The following ATAD3B variants were observed in gnomAD, a reference collection of about 807,000 sequenced individuals.
ATAD3B encodes ATPase family AAA domain-containing protein 3B.
In ATAD3B, 59 loss-of-function variants were observed where a neutral mutation model predicts 70.2. That is an observed-to-expected ratio of 0.84 (90% CI 0.68 to 1.04). The LOEUF is 1.04. Among genes scored for constraint, ATAD3B ranks in the 50% least tolerant of loss-of-function variants. The pLI is 0.00. For missense variants in ATAD3B, 961 were observed against 913.4 expected (o/e 1.05, Z -0.67); for synonymous variants, 423 against 388.6 (o/e 1.09, Z -1.04).
At chr1:1,500,931 T>C (rs955677103), downstream of ATAD3B, among the ~76,000 whole-genome samples, 7 of 152,036 alleles carry the variant, frequency 4.6e-5, no homozygotes, top group Non-Finnish European at 1.0e-4. Context: ...CACTGCAGCC[T>C]GGGCGACAGA....
intron 2 of ATAD3B, among the ~76,000 whole-genome samples, chr1:1,477,700 T>G (rs563416334): frequency 6.6e-6 from 1 of 151,414 alleles, no homozygotes; most frequent in South Asian, 2.1e-4. Context: ...TTATTTTATT[T>G]TATTTTATTT....
At chr1:1,478,417 C>T in intron 2 of ATAD3B, 6 of 1,508,454 alleles carry the variant, frequency 4.0e-6, no homozygotes, top group South Asian at 1.3e-5. Flanking sequence ...TGACCTCCCT[C>T]CCCGGGGGCC....
Position 1,478,687 on chromosome 1 carries a change from G to A in ATAD3B, c.326G>A (p.Arg109Gln), listed in dbSNP as rs1311163237. The change falls in exon 3 of 16, where the codon CGG becomes CAG. Residue 109 changes from arginine to glutamine, a missense_variant. Around this residue, in one of 4 missense-constraint regions of ATAD3B, gnomAD observed 187 missense variants for 244.3 expected, o/e 0.77. Coordinates refer to ENST00000673477, the MANE Select transcript of ATAD3B (RefSeq NM_031921.6). ...AVEQLKSEQI[R>Q]AQAEERRKTL... is the part of the protein sequence containing the mutation. The stretch of plus-strand genomic sequence containing the variant: ...GAGCAGCTCAAGAGCGAGCAGATCC[G>A]GGCGCAGGCTGAGGAGAGGAGGAAG... 1.9e-6 allele frequency: 3 copies of A among 1,542,172 alleles called. No individual in the cohort carries two copies. Among genetic ancestry groups the A allele is most frequent in the African/African-American group, 1.4e-5 (1 of 71,326 alleles).
rs201737506 is a variant in ATAD3B at position 1,477,266 on chromosome 1, G to A, written c.206-8G>A. The A allele has an allele frequency of 2.0e-5, 33 of 1,612,196 alleles. No homozygotes were observed. The highest frequency in any genetic ancestry group is 1.2e-4 in the Admixed American group (7 of 59,956). ...TACACCTGCTCTCCGTGCCACATGC[G>A]CCCGCAGGTTACGCCAAGGAGGCCC... On this transcript the variant is annotated splice_region_variant and splice_polypyrimidine_tract_variant and intron_variant, in intron 1 of 15. Coordinates refer to ENST00000673477, the MANE Select transcript of ATAD3B (RefSeq NM_031921.6).
chr1:1,489,620 C>T, intron 13 of ATAD3B: 1 of 1,313,740 alleles, frequency 7.6e-7, no homozygotes, highest in Non-Finnish European at 1.0e-6. Context: ...GTGACCGGCC[C>T]TATGTCCAGG....
At chr1:1,498,050 C>T (rs1364332551), downstream of ATAD3B, among the ~76,000 whole-genome samples, 1 of 151,760 alleles carries the variant, frequency 6.6e-6, no homozygotes, top group African/African-American at 2.4e-5. Context: ...CTCCTGTAAT[C>T]CCAGCACTTT....
chr1:1,487,866 C>T lies in ATAD3B; in HGVS notation c.1218C>T (p.Leu406=), dbSNP rs1640314611. ...TTGGCCTCTCTCTCGTTCACAGCCT[C>T]CTGCTCTTCATGGATGAAGCAGACG... ...FDWANTSRRG[L]LLFMDEADAF... Residue 406 remains leucine, a synonymous_variant, in exon 12 of 16, where the codon CTC becomes CTT. Coordinates refer to ENST00000673477, the MANE Select transcript of ATAD3B (RefSeq NM_031921.6). 2.5e-6 allele frequency: 4 copies of T among 1,613,142 alleles called. No homozygotes were observed. The highest frequency in any genetic ancestry group is 1.1e-5 in the South Asian group (1 of 91,012).
chr1:1,492,331 C>T (rs148059030), intron 15 of ATAD3B, among the ~76,000 whole-genome samples: 3,910 of 150,954 alleles, frequency 0.026, 196 homozygotes, highest in African/African-American at 0.09. Flanking sequence ...ACAAAAAATA[C>T]GAAAATTAGC....
At chr1:1,495,328 G>A (rs370118521) in intron 15 of ATAD3B, among the ~76,000 whole-genome samples, 157 bp from the exon 16 acceptor site, 2,067 of 152,018 alleles carry the variant, frequency 0.014, 41 homozygotes, top group South Asian at 0.026. Context: ...GTGTCCACAC[G>A]CGTGCTGGGC....
At chr1:1,488,588 G>C (rs1403025275) in intron 12 of ATAD3B, among the ~76,000 whole-genome samples, 3 of 151,982 alleles carry the variant, frequency 2.0e-5, no homozygotes, top group Non-Finnish European at 2.9e-5. Flanking sequence ...GTGAAACCCC[G>C]TCTATAGTAA....
chr1:1,504,169 G>T, the ATAD3B span, among the ~76,000 whole-genome samples: 189 of 151,654 alleles, frequency 1.2e-3, 1 homozygote, highest in African/African-American at 4.2e-3. Flanking sequence ...TGGATTTTTA[G>T]TAGAGACGGG....
intron 8 of ATAD3B, among the ~76,000 whole-genome samples, 187 bp from the exon 9 acceptor site, chr1:1,485,595 A>T (rs369841264): frequency 2.0e-5 from 3 of 152,178 alleles, no homozygotes; most frequent in East Asian, 3.9e-4. Context: ...AAGGAACCGG[A>T]AAATGCCCCT....
Position 1,489,239 on chromosome 1 carries a change from C to G in ATAD3B, c.1302C>G (p.Asn434Lys). ...GCAAGGACCTCAGAGCCACACTGAACGCCTTCCTGTACCACATGGGCCAAC... is the reference window on the plus strand; with the variant it reads ...GCAAGGACCTCAGAGCCACACTGAAGGCCTTCCTGTACCACATGGGCCAAC... Reference protein sequence around the residue: ...EISKDLRATLNAFLYHMGQHS... With the variant: ...EISKDLRATLKAFLYHMGQHS... Residue 434 changes from asparagine to lysine, a missense_variant, in exon 13 of 16, where the codon AAC becomes AAG. Around this residue, in one of 4 missense-constraint regions of ATAD3B, gnomAD observed 417 missense variants for 335.0 expected, o/e 1.24. Transcript: ENST00000673477. 1.9e-6 allele frequency: 3 copies of G among 1,613,624 alleles called. No individual in the cohort carries two copies. Among genetic ancestry groups the G allele is most frequent in the Non-Finnish European group, 2.5e-6 (3 of 1,179,676 alleles).
chr1:1,500,719 C>T (rs150487231), downstream of ATAD3B, among the ~76,000 whole-genome samples: 15,482 of 151,082 alleles, frequency 0.1, 1,561 homozygotes, highest in East Asian at 0.32. Context: ...TTTGGGAGGC[C>T]GAGGCGGGCG....
chr1:1,482,037 C>T (rs1015295036), intron 5 of ATAD3B, 101 bp from the exon 6 acceptor site: 14 of 1,490,764 alleles, frequency 9.4e-6, no homozygotes, highest in Middle Eastern at 2.4e-4. Context: ...TTGGTCTGTC[C>T]GTGGCGTGGG....
At chr1:1,487,337 A>C (rs144449807) in intron 11 of ATAD3B, among the ~76,000 whole-genome samples, 2,686 of 151,718 alleles carry the variant, frequency 0.018, 62 homozygotes, top group African/African-American at 0.029. Context: ...AAATACAAAA[A>C]ATTAGCCAGG....
chr1:1,495,843 C>G lies in ATAD3B; in HGVS notation c.*26C>G. The G allele has an allele frequency of 3.3e-6, 5 of 1,520,276 alleles. No homozygotes were observed. The highest frequency in any genetic ancestry group is 4.4e-6 in the Non-Finnish European group (5 of 1,137,568). The allele number at this position is 1,520,276 out of a possible 1,614,324, so 94.2% of individuals were successfully genotyped here. A position where few individuals can be genotyped will look rare whatever the true frequency, so the allele number is the denominator to read the frequency against. On this transcript the variant is annotated 3_prime_UTR_variant, in exon 16 of 16. Transcript: ENST00000673477. ...GCACTGGCTAGGGAGGGGCAGGCCT[C>G]CTTCCTGCCCCTCGAGACACTCTTG...
At position 1,482,336 on chromosome 1, in the gene ATAD3B, A is replaced by G. The variant is rs1329515954; in HGVS notation, c.680+33A>G. On this transcript the variant is annotated intron_variant, in intron 6 of 15. Coordinates refer to ENST00000673477, the MANE Select transcript of ATAD3B (RefSeq NM_031921.6). ...CTGCCCAGGCCCGGGCCGGCCACAG[A>G]TGGAGCCCCGCAGGTGTGAGTCGCT... 8 of 1,547,984 alleles carry G rather than the reference A, an allele frequency of 5.2e-6. No individual in the cohort carries two copies. The South Asian group carries it at 7.5e-5, about 15-fold the overall frequency.
the ATAD3B span, among the ~76,000 whole-genome samples, chr1:1,507,290 G>C: frequency 6.6e-6 from 1 of 152,158 alleles, no homozygotes; most frequent in Non-Finnish European, 1.5e-5. Context: ...TCACCACTGA[G>C]TATGTCACCT....
Sources: allele counts gnomAD v4.1 joint callset (sites outside exome capture counted in the v4.1 genomes callset), GRCh38; gene constraint gnomAD v4.1.1; regional missense constraint gnomAD v4.1.1; transcripts MANE v1.5; gene names NCBI Gene and HGNC (gene_info 2026-07-23, HGNC 2026-07-21).